The following SLC35D4 variants were observed in gnomAD, a reference collection of about 807,000 sequenced individuals.
The protein encoded by SLC35D4 is solute carrier family 35 member D4, also known as UDP-N-acetylglucosamine transporter SLC35D4.
At chr18:23,437,761 T>C in the SLC35D4 span, 1 of 1,607,304 alleles carries the variant, frequency 6.2e-7, no homozygotes, top group Non-Finnish European at 8.5e-7. Flanking sequence ...AATCGCTGCC[T>C]CCCGCGCCCG....
At chr18:23,399,548 T>C in the SLC35D4 span, 2 of 1,612,252 alleles carry the variant, frequency 1.2e-6, no homozygotes, top group Non-Finnish European at 1.7e-6. Flanking sequence ...TTGTTTCCCC[T>C]GAACCTCTAA....
chr18:23,255,535 A>G, the SLC35D4 span, among the ~76,000 whole-genome samples: 5 of 151,812 alleles, frequency 3.3e-5, no homozygotes, highest in Non-Finnish European at 7.4e-5. Context: ...GTAGGCTTAT[A>G]CAGACATCTG....
the SLC35D4 span, among the ~76,000 whole-genome samples, chr18:23,394,894 A>G: frequency 6.6e-6 from 1 of 151,530 alleles, no homozygotes; most frequent in African/African-American, 2.4e-5. Context: ...GAGGCAGGAG[A>G]ATCACTTGAA....
the SLC35D4 span, among the ~76,000 whole-genome samples, chr18:23,241,873 C>T: frequency 6.6e-6 from 1 of 152,152 alleles, no homozygotes; most frequent in Admixed American, 6.5e-5. Context: ...AAGTGGCACC[C>T]TTTTCAAATT....
the SLC35D4 span, among the ~76,000 whole-genome samples, chr18:23,307,536 A>C: frequency 6.5e-3 from 992 of 152,372 alleles, 10 homozygotes; most frequent in African/African-American, 0.023. Context: ...ATGTGGTCAT[A>C]GCCAACTGGC....
chr18:23,271,564 C>G, the SLC35D4 span, among the ~76,000 whole-genome samples: 2 of 152,088 alleles, frequency 1.3e-5, no homozygotes, highest in Admixed American at 6.5e-5. Context: ...TTGGAATTTC[C>G]TGAGTTATAG....
the SLC35D4 span, among the ~76,000 whole-genome samples, chr18:23,317,721 C>G: frequency 6.6e-6 from 1 of 151,928 alleles, no homozygotes; most frequent in African/African-American, 2.4e-5. Context: ...ATTAGATATA[C>G]TTTGTCTTTT....
chr18:23,293,699 A>C, the SLC35D4 span, among the ~76,000 whole-genome samples: 2 of 152,364 alleles, frequency 1.3e-5, no homozygotes, highest in East Asian at 3.9e-4. Context: ...CTCCCTCCCC[A>C]GGGTTAACAC....
chr18:23,318,657 C>G, the SLC35D4 span, among the ~76,000 whole-genome samples: 2 of 152,072 alleles, frequency 1.3e-5, no homozygotes, highest in African/African-American at 4.8e-5. Context: ...GTACTACTGC[C>G]CTTGATTTAT....
chr18:23,332,730 G>A, the SLC35D4 span, among the ~76,000 whole-genome samples: 1 of 150,578 alleles, frequency 6.6e-6, no homozygotes, highest in African/African-American at 2.5e-5. Context: ...TATCAGGTCC[G>A]CTGAGATACT....
chr18:23,286,189 GTT>G, the SLC35D4 span, among the ~76,000 whole-genome samples: 1 of 152,208 alleles, frequency 6.6e-6, no homozygotes, highest in Non-Finnish European at 1.5e-5. Context: ...ATATTTCTGA[GTT>G]GCAATTCCTT....
the SLC35D4 span, among the ~76,000 whole-genome samples, chr18:23,431,674 ATGTT>A: frequency 6.6e-6 from 1 of 152,070 alleles, no homozygotes; most frequent in Non-Finnish European, 1.5e-5. Context: ...GTGTTTTAGC[ATGTT>A]ACGGACTTTT....
At chr18:23,399,751 GCTGT>G in the SLC35D4 span, 2 of 1,080,250 alleles carry the variant, frequency 1.9e-6, no homozygotes, top group Non-Finnish European at 1.4e-6. Flanking sequence ...AACAACAGAG[GCTGT>G]CTAAAAATCC....
the SLC35D4 span, among the ~76,000 whole-genome samples, chr18:23,286,914 C>T: frequency 3.4e-4 from 51 of 150,178 alleles, no homozygotes; most frequent in African/African-American, 9.9e-4. Context: ...GCCTCCTTTG[C>T]GTCCTCCTCT....
chr18:23,267,097 C>A, the SLC35D4 span, among the ~76,000 whole-genome samples: 1 of 152,186 alleles, frequency 6.6e-6, no homozygotes, highest in African/African-American at 2.4e-5. Context: ...CTTGCCCTGC[C>A]GCCCCACAGT....
At chr18:23,299,216 T>C in the SLC35D4 span, among the ~76,000 whole-genome samples, 2 of 152,238 alleles carry the variant, frequency 1.3e-5, no homozygotes, top group Non-Finnish European at 2.9e-5. Context: ...CAGGAGATGA[T>C]CGCATCTAAC....
the SLC35D4 span, among the ~76,000 whole-genome samples, chr18:23,358,452 G>GA: frequency 0.27 from 40,969 of 149,792 alleles, 5,991 homozygotes; most frequent in East Asian, 0.41. Context: ...AAGAAAGAAA[G>GA]AAAAAAAAAC....
the SLC35D4 span, among the ~76,000 whole-genome samples, chr18:23,356,347 G>A: frequency 7.5e-4 from 114 of 152,346 alleles, 2 homozygotes; most frequent in South Asian, 0.016. This position sits in a 1 kb window ranked among gnomAD's most constrained non-coding sequence, Gnocchi z 4.1. Context: ...GAGCAAGCGC[G>A]AAAATCACTG....
At chr18:23,339,395 G>C in the SLC35D4 span, among the ~76,000 whole-genome samples, 1 of 152,114 alleles carries the variant, frequency 6.6e-6, no homozygotes, top group Non-Finnish European at 1.5e-5. Context: ...TATTAAGTAG[G>C]CACTGATAAT....
Sources: gnomAD v4.1 joint callset for allele counts (sites outside exome capture counted in the v4.1 genomes callset) on GRCh38, gnomAD v4.1.1 for gene constraint, Gnocchi (gnomAD v3.1) non-coding constraint, MANE v1.5 for transcripts, NCBI Gene and HGNC (gene_info 2026-07-23, HGNC 2026-07-21) for gene names.